PTPRQ: variants seen among roughly 807,000 people sequenced by gnomAD.
The protein encoded by PTPRQ is protein tyrosine phosphatase receptor type Q, also known as phosphatidylinositol phosphatase PTPRQ.
In PTPRQ, 199 loss-of-function variants were observed where a neutral mutation model predicts 246.0. The ratio of observed to expected loss-of-function variants is 0.81; its 90% CI spans 0.72 to 0.91. The LOEUF is 0.91. PTPRQ is among the 40% of genes least tolerant of loss of function. PTPRQ has a pLI of 0.00. For missense variants in PTPRQ, 2,624 were observed against 2,528.4 expected, an observed-to-expected ratio of 1.04 and a Z score of -0.81; for synonymous variants, 869 against 853.2, an observed-to-expected ratio of 1.02 and a Z score of -0.32.
At chr12:80,582,742 T>C (rs1190042889) in intron 25 of PTPRQ, among the ~76,000 whole-genome samples, 1 of 152,080 alleles carries the variant, frequency 6.6e-6, no homozygotes, top group African/African-American at 2.4e-5. Flanking sequence ...CTAGATATAT[T>C]CTTTGGAAGT....
chr12:80,638,891 T>A (rs1050663630), intron 35 of PTPRQ, among the ~76,000 whole-genome samples: 1 of 152,228 alleles, frequency 6.6e-6, no homozygotes, highest in Non-Finnish European at 1.5e-5. Context: ...CTATAATTCT[T>A]AGGAAGAATA....
chr12:80,577,265 G>A (rs943883552), intron 25 of PTPRQ, among the ~76,000 whole-genome samples: 2 of 152,166 alleles, frequency 1.3e-5, no homozygotes, highest in Non-Finnish European at 1.5e-5. Context: ...GCATGACTGG[G>A]GAGGCCTCAG....
chr12:80,506,088 A>G lies in PTPRQ; in HGVS notation c.2337A>G (p.Ser779=), dbSNP rs1274419099. ...KNISSGEIEL[S]FLPPSSPNGI... The stretch of plus-strand genomic sequence containing the variant: ...TTTCTTCTGGAGAGATTGAGCTATC[A>G]TTCCTTCCCCCAAGTAGTCCCAATG... The change falls in exon 15 of 45, where the codon TCA becomes TCG. Residue 779 remains serine, a synonymous_variant. Coordinates refer to ENST00000644991, the MANE Select transcript of PTPRQ (RefSeq NM_001145026.2). The G allele has an allele frequency of 6.5e-7, 1 of 1,546,786 alleles. No homozygotes were observed. The highest frequency in any genetic ancestry group is 8.7e-7 in the Non-Finnish European group (1 of 1,144,928).
intron 42 of PTPRQ, among the ~76,000 whole-genome samples, 190 bp from the exon 43 acceptor site, chr12:80,672,979 A>G (rs1010417051): frequency 6.6e-6 from 1 of 152,162 alleles, no homozygotes; most frequent in Non-Finnish European, 1.5e-5. Flanking sequence ...TATTAATGAT[A>G]ATCATCTTGC....
At chr12:80,654,210 T>C (rs1286252861) in intron 38 of PTPRQ, among the ~76,000 whole-genome samples, 1 of 152,176 alleles carries the variant, frequency 6.6e-6, no homozygotes, top group African/African-American at 2.4e-5. Context: ...ATCTCCTGCC[T>C]CAGCCTCCCA....
chr12:80,608,170 G>T (rs1898401118), intron 27 of PTPRQ, among the ~76,000 whole-genome samples: 1 of 150,466 alleles, frequency 6.6e-6, no homozygotes, highest in Admixed American at 6.7e-5. Flanking sequence ...AAGTGGGGCA[G>T]GAAGAGGAGA....
intron 25 of PTPRQ, among the ~76,000 whole-genome samples, chr12:80,576,630 T>C (rs977695476): frequency 7.2e-5 from 11 of 152,158 alleles, no homozygotes; most frequent in Non-Finnish European, 1.3e-4. Flanking sequence ...AGGCATTATA[T>C]GCTTATCTGT....
At chr12:80,466,168 C>A (rs772886369) in intron 6 of PTPRQ, among the ~76,000 whole-genome samples, 2 of 152,154 alleles carry the variant, frequency 1.3e-5, no homozygotes, top group Non-Finnish European at 2.9e-5. Flanking sequence ...TCTCAGGATA[C>A]AAAATCAATG....
intron 8 of PTPRQ, among the ~76,000 whole-genome samples, chr12:80,481,137 C>G (rs915476637): frequency 6.6e-6 from 1 of 152,164 alleles, no homozygotes; most frequent in Non-Finnish European, 1.5e-5. Flanking sequence ...AAAATACTGG[C>G]AAAACGAATC....
intron 9 of PTPRQ, among the ~76,000 whole-genome samples, chr12:80,485,998 C>CT (rs1894263234): frequency 6.6e-6 from 1 of 152,086 alleles, no homozygotes; most frequent in Admixed American, 6.6e-5. Context: ...TCTCACTGTG[C>CT]TATATAGCAA....
At chr12:80,482,785 T>C (rs1208407787) in intron 8 of PTPRQ, among the ~76,000 whole-genome samples, 1 of 150,336 alleles carries the variant, frequency 6.7e-6, no homozygotes, top group Admixed American at 6.6e-5. Context: ...ATGCTTATCA[T>C]CACTGGCCAT....
At chr12:80,509,599 T>C (rs1895065461) in intron 16 of PTPRQ, among the ~76,000 whole-genome samples, 1 of 152,098 alleles carries the variant, frequency 6.6e-6, no homozygotes, top group African/African-American at 2.4e-5. Flanking sequence ...TTCTAAATGT[T>C]TTACCTAAAT....
intron 17 of PTPRQ, among the ~76,000 whole-genome samples, chr12:80,519,745 A>T (rs762051962): frequency 1.3e-5 from 2 of 152,190 alleles, no homozygotes; most frequent in Non-Finnish European, 2.9e-5. Context: ...TATACATCAA[A>T]TGATTTTTTC....
At chr12:80,507,946 C>T (rs540368869) in intron 16 of PTPRQ, among the ~76,000 whole-genome samples, 16 of 151,836 alleles carry the variant, frequency 1.1e-4, no homozygotes, top group South Asian at 8.3e-4. Context: ...AAAATAGTAC[C>T]CACTTCTTTA....
At chr12:80,660,010 A>C (rs1253543562) in intron 39 of PTPRQ, among the ~76,000 whole-genome samples, 3 of 151,992 alleles carry the variant, frequency 2.0e-5, no homozygotes, top group African/African-American at 7.2e-5. Context: ...GTATTCCTAC[A>C]ATCTTCACCT....
At chr12:80,452,701 T>C (rs1231238820) in intron 3 of PTPRQ, among the ~76,000 whole-genome samples, 1 of 152,368 alleles carries the variant, frequency 6.6e-6, no homozygotes, top group East Asian at 1.9e-4. Context: ...GCCCCCACTC[T>C]CTTCTGGCTT....
In PTPRQ at chr12:80,455,756, A is replaced by G. The variant is rs577743249; in HGVS notation, c.391-1819A>G. Among the ~76,000 whole-genome samples the G allele has an allele frequency of 6.5e-5, 9 of 138,132 alleles. No individual in the cohort carries two copies. The South Asian group carries it at 2.0e-3, about 30-fold the overall frequency. The allele number at this position is 138,132 out of a possible 152,430, so 90.6% of individuals were successfully genotyped here. ...GAGGCGCCCGCCACCATGCCCGGCT[A>G]ATTTTTTCGTATTTTATTTTTTTTT... On this transcript the variant is annotated intron_variant, in intron 3 of 44. Transcript: ENST00000644991.
chr12:80,445,316 T>A (rs1048654915), intron 2 of PTPRQ, among the ~76,000 whole-genome samples, 175 bp from the exon 3 acceptor site: 6 of 151,960 alleles, frequency 3.9e-5, no homozygotes, highest in Non-Finnish European at 8.8e-5. Flanking sequence ...TATAAAGGAA[T>A]GCTTTTGGTA....
chr12:80,448,153 G>A lies in PTPRQ; in HGVS notation c.390+2436G>A, dbSNP rs144948588. ...ATATTTTATTTTTTTTGTGGCTATC[G>A]TAAATGGGATTGAATTCTTGATTTC... On this transcript the variant is annotated intron_variant, in intron 3 of 44. Transcript: ENST00000644991. Among the ~76,000 whole-genome samples, 269 of 151,820 alleles carry A rather than the reference G, an allele frequency of 1.8e-3. 1 individual carries two copies. Among genetic ancestry groups the A allele is most frequent in the African/African-American group, 5.9e-3 (244 of 41,420 alleles).
Sources: allele counts gnomAD v4.1 joint callset (sites outside exome capture counted in the v4.1 genomes callset), GRCh38; gene constraint gnomAD v4.1.1; transcripts MANE v1.5; gene names NCBI Gene and HGNC (gene_info 2026-07-23, HGNC 2026-07-21).